DLGAP2: variants seen among roughly 807,000 people sequenced by gnomAD.
DLGAP2 encodes the protein disks large-associated protein 2.
Under a neutral mutation model 100.3 loss-of-function variants are expected in DLGAP2, and 26 were observed. The observed-to-expected ratio is 0.26, with a 90% CI of 0.19 to 0.36. The LOEUF (loss-of-function observed/expected upper bound fraction) is 0.36, where lower values mean the gene tolerates loss of function less well. Among genes scored for constraint, DLGAP2 ranks in the 10% least tolerant of loss-of-function variants. The pLI, the probability that DLGAP2 is intolerant of heterozygous loss-of-function variation, is 1.00. For missense variants in DLGAP2, 1,858 were observed against 1,453.2 expected (o/e 1.28, Z -4.53); for synonymous variants, 886 against 630.1 (o/e 1.41, Z -6.08).
At chr8:1,551,602 G>A (rs939025845) in intron 5 of DLGAP2, among the ~76,000 whole-genome samples, 5 of 152,086 alleles carry the variant, frequency 3.3e-5, no homozygotes, top group African/African-American at 4.8e-5. Context: ...AATACCAGTC[G>A]TCCACAAAGG....
At position 1,358,695 on chromosome 8, in the gene DLGAP2, G is replaced by A. The variant is rs116333009; in HGVS notation, c.106+99812G>A. Among the ~76,000 whole-genome samples the A allele has an allele frequency of 2.2e-4, 33 of 152,248 alleles. 1 individual carries two copies. The South Asian group carries it at 3.5e-3, about 16-fold the overall frequency. ...TGGGCAAAGTGTCTTTAGGAGAAACGTGTTATCCCCACTGTGTAATCTGGA... is the reference window on the plus strand; with the variant it reads ...TGGGCAAAGTGTCTTTAGGAGAAACATGTTATCCCCACTGTGTAATCTGGA... On this transcript the variant is annotated intron_variant, in intron 3 of 14. Coordinates refer to ENST00000637795, the MANE Select transcript of DLGAP2 (RefSeq NM_001346810.2).
At chr8:1,437,732 C>T (rs563802305) in intron 3 of DLGAP2, among the ~76,000 whole-genome samples, 5 of 145,068 alleles carry the variant, frequency 3.4e-5, no homozygotes, top group African/African-American at 7.7e-5. Context: ...CTTTGGGAGG[C>T]GAAGGCAGGT....
intron 12 of DLGAP2, among the ~76,000 whole-genome samples, chr8:1,689,290 A>C (rs1356997087): frequency 6.6e-6 from 1 of 152,140 alleles, no homozygotes; most frequent in Non-Finnish European, 1.5e-5. Flanking sequence ...CATGCCCGGC[A>C]CAAGATCCCC....
intron 3 of DLGAP2, among the ~76,000 whole-genome samples, chr8:1,428,328 T>TA (rs1448472271): frequency 6.6e-6 from 1 of 151,920 alleles, no homozygotes; most frequent in Non-Finnish European, 1.5e-5. Flanking sequence ...GTCTAAAAAA[T>TA]AAAATTGAAC....
At chr8:1,147,229 C>T (rs1223136020) in intron 2 of DLGAP2, among the ~76,000 whole-genome samples, 1 of 152,104 alleles carries the variant, frequency 6.6e-6, no homozygotes, top group Non-Finnish European at 1.5e-5. Flanking sequence ...TTCGATATTT[C>T]CTCATGCTAT....
At position 1,288,459 on chromosome 8, in the gene DLGAP2, TAGG is replaced by T. The variant is rs1189781113; in HGVS notation, c.106+29580_106+29582del. Among the ~76,000 whole-genome samples, 183 of 131,450 alleles carry T rather than the reference TAGG, an allele frequency of 1.4e-3. 1 individual carries two copies. The highest frequency in any genetic ancestry group is 2.5e-3 in the Non-Finnish European group (155 of 62,734). 86.2% of individuals were successfully genotyped at this position (131,450 alleles called of 152,430 possible). On this transcript the variant is annotated intron_variant, in intron 3 of 14. Transcript: ENST00000637795. ...TGTGTGTGTGTGTGTGTGGTTCTGT[TAGG>T]AGGGGAACTTGTTTCAGTTCAGTGT...
At chr8:749,587 G>T (rs1018213680) in intron 1 of DLGAP2, among the ~76,000 whole-genome samples, 4 of 152,050 alleles carry the variant, frequency 2.6e-5, no homozygotes, top group Admixed American at 2.6e-4. Flanking sequence ...CCTATTGTTT[G>T]ACATTTCAGT....
At chr8:803,343 T>G (rs1402166672) in intron 1 of DLGAP2, among the ~76,000 whole-genome samples, 1 of 152,232 alleles carries the variant, frequency 6.6e-6, no homozygotes, top group Non-Finnish European at 1.5e-5. Context: ...TACTTTTGCT[T>G]GTGGTTTATT....
chr8:945,049 C>T (rs1316340071), intron 2 of DLGAP2, among the ~76,000 whole-genome samples: 1 of 152,314 alleles, frequency 6.6e-6, no homozygotes. Flanking sequence ...GAGCAAAGTT[C>T]TTTCCACCCC....
At chr8:1,627,522 A>G (rs977621043) in intron 7 of DLGAP2, among the ~76,000 whole-genome samples, 3 of 152,274 alleles carry the variant, frequency 2.0e-5, no homozygotes, top group Admixed American at 6.5e-5. Flanking sequence ...AGTGTCCTTC[A>G]GTCTAATCAT....
At chr8:1,304,332 CAG>C (rs1307664091) in intron 3 of DLGAP2, among the ~76,000 whole-genome samples, 1 of 152,208 alleles carries the variant, frequency 6.6e-6, no homozygotes, top group Non-Finnish European at 1.5e-5. Flanking sequence ...GAAGACGACA[CAG>C]ATGTCTCACT....
chr8:1,149,902 G>C (rs1353524998), intron 2 of DLGAP2, among the ~76,000 whole-genome samples: 1 of 152,174 alleles, frequency 6.6e-6, no homozygotes, highest in East Asian at 1.9e-4. Flanking sequence ...TCACCTTCCA[G>C]AAAATGCCAA....
intron 2 of DLGAP2, among the ~76,000 whole-genome samples, chr8:966,148 G>A (rs1438690168): frequency 1.2e-4 from 18 of 152,218 alleles, no homozygotes; most frequent in Admixed American, 1.2e-3. Flanking sequence ...TTCTTGCACA[G>A]TAAACGCAGC....
At chr8:1,688,444 C>T (rs1368353794) in intron 12 of DLGAP2, 2 of 152,018 alleles carry the variant, frequency 1.3e-5, no homozygotes, top group African/African-American at 4.8e-5. Context: ...TTTTTCATAC[C>T]CTAGAAGCAA....
chr8:1,412,440 C>T (rs571544253), intron 3 of DLGAP2, among the ~76,000 whole-genome samples: 1 of 152,326 alleles, frequency 6.6e-6, no homozygotes, highest in African/African-American at 2.4e-5. Flanking sequence ...TTGCTAAATG[C>T]ATGCATGCAT....
At chr8:1,127,652 T>C (rs1187774774) in intron 2 of DLGAP2, among the ~76,000 whole-genome samples, 3 of 152,204 alleles carry the variant, frequency 2.0e-5, no homozygotes, top group Non-Finnish European at 4.4e-5. Context: ...CTCCTTTCCC[T>C]GTCCCTGTGC....
chr8:1,026,699 G>T (rs1801809765), intron 2 of DLGAP2, among the ~76,000 whole-genome samples: 1 of 152,184 alleles, frequency 6.6e-6, no homozygotes, highest in Non-Finnish European at 1.5e-5. Context: ...ATTGAAAACT[G>T]AAATTAAACA....
rs556263079 is a variant in DLGAP2 at position 1,291,568 on chromosome 8, C to T, written c.106+32685C>T. ...ATTCGAAGCCCTGCCATTCCTAATC[C>T]GGGGTGATTCTGGGGAAGCCCCTGC... On this transcript the variant is annotated intron_variant, in intron 3 of 14. Coordinates refer to ENST00000637795, the MANE Select transcript of DLGAP2 (RefSeq NM_001346810.2). 9.2e-5 allele frequency among the ~76,000 whole-genome samples: 14 copies of T among 152,262 alleles called. No homozygotes were observed. The South Asian group carries it at 2.3e-3, about 25-fold the overall frequency.
chr8:924,714 C>T (rs1041269175), intron 2 of DLGAP2, among the ~76,000 whole-genome samples: 1 of 151,990 alleles, frequency 6.6e-6, no homozygotes, highest in Non-Finnish European at 1.5e-5. Context: ...TCCTGAGTAG[C>T]TGGGATTACA....
Sources: gnomAD v4.1 joint callset for allele counts (sites outside exome capture counted in the v4.1 genomes callset) on GRCh38, gnomAD v4.1.1 for gene constraint, MANE v1.5 for transcripts, NCBI Gene and HGNC (gene_info 2026-07-23, HGNC 2026-07-21) for gene names.